Variants in CFAP54 observed in about 807,000 individuals in gnomAD.
The protein encoded by CFAP54 is cilia- and flagella-associated protein 54.
CFAP54 carries 290 observed loss-of-function variants against 370.4 expected under a neutral mutation model. The ratio of observed to expected loss-of-function variants is 0.78; its 90% CI spans 0.71 to 0.86. The LOEUF (loss-of-function observed/expected upper bound fraction) is 0.86. CFAP54 is among the 40% of genes least tolerant of loss of function. The pLI, the probability that CFAP54 is intolerant of heterozygous loss-of-function variation, is 0.00. For synonymous variants in CFAP54, 1,206 were observed against 1,236.5 expected (o/e 0.98, Z 0.52); for missense variants, 3,399 against 3,528.7 (o/e 0.96, Z 0.93).
intron 20 of CFAP54, among the ~76,000 whole-genome samples, chr12:96,577,595 C>G (rs1300300898): frequency 6.6e-6 from 1 of 151,508 alleles, no homozygotes; most frequent in Non-Finnish European, 1.5e-5. Context: ...TAGCTCCAAC[C>G]TTTCCTGGAA....
chr12:96,767,349 T>C (rs1958411146), intron 60 of CFAP54, among the ~76,000 whole-genome samples: 1 of 152,226 alleles, frequency 6.6e-6, no homozygotes, highest in Non-Finnish European at 1.5e-5. Context: ...GAAAATGGCA[T>C]CCTCTAAACA....
chr12:96,592,477 C>A lies in CFAP54; in HGVS notation c.3213-13C>A, dbSNP rs1452576248. The A allele has an allele frequency of 1.9e-6, 1 of 513,310 alleles. No homozygotes were observed. The highest frequency in any genetic ancestry group is 3.3e-5 in the East Asian group (1 of 30,200). 31.8% of individuals were successfully genotyped at this position (513,310 alleles called of 1,614,324 possible). A position where few individuals can be genotyped will look rare whatever the true frequency, so the allele number is the denominator to read the frequency against. ...AATTTATATTTATACCTGCCATTTA[C>A]TTCATATTGCAGATTACATTCAGAT... On this transcript the variant is annotated splice_polypyrimidine_tract_variant and intron_variant, in intron 23 of 67. Transcript: ENST00000524981.
At chr12:96,672,299 G>T (rs551527084) in intron 39 of CFAP54, among the ~76,000 whole-genome samples, 2 of 152,110 alleles carry the variant, frequency 1.3e-5, no homozygotes, top group Non-Finnish European at 2.9e-5. Flanking sequence ...CATCTTTTCT[G>T]CTAAGGCAGA....
chr12:96,510,991 A>C (rs960010069), intron 4 of CFAP54, among the ~76,000 whole-genome samples: 1 of 151,674 alleles, frequency 6.6e-6, no homozygotes, highest in Non-Finnish European at 1.5e-5. Flanking sequence ...AGAAATGAAA[A>C]AGATGAAGAG....
chr12:96,687,307 T>A (rs772151816), intron 42 of CFAP54, among the ~76,000 whole-genome samples: 8 of 152,216 alleles, frequency 5.3e-5, no homozygotes, highest in Non-Finnish European at 7.3e-5. Flanking sequence ...TTCTGGAGAT[T>A]AGGGCATGAA....
intron 58 of CFAP54, among the ~76,000 whole-genome samples, chr12:96,760,597 A>T (rs1359827173): frequency 6.6e-6 from 1 of 152,170 alleles, no homozygotes; most frequent in Non-Finnish European, 1.5e-5. Context: ...CAGTGGCGTG[A>T]TCTAGGCTCA....
intron 50 of CFAP54, among the ~76,000 whole-genome samples, chr12:96,738,211 A>G (rs1565960062): frequency 6.6e-6 from 1 of 152,302 alleles, no homozygotes; most frequent in East Asian, 1.9e-4. Context: ...AGGGGAAGCC[A>G]TGGCAACTTC....
chr12:96,871,893 A>T (rs891566473), intron 67 of CFAP54, among the ~76,000 whole-genome samples: 1 of 152,308 alleles, frequency 6.6e-6, no homozygotes, highest in East Asian at 1.9e-4. Flanking sequence ...TTTCAGAGCT[A>T]TGATGGCCTA....
intron 60 of CFAP54, among the ~76,000 whole-genome samples, chr12:96,777,929 C>A (rs1226135888): frequency 6.6e-6 from 1 of 152,124 alleles, no homozygotes; most frequent in Admixed American, 6.5e-5. Flanking sequence ...TACTGTTAGA[C>A]AAATATAAGC....
At position 96,594,401 on chromosome 12, in the gene CFAP54, T is replaced by C. The variant is rs1250836237; in HGVS notation, c.3471T>C (p.Leu1157=). 15 of 1,534,108 alleles carry C rather than the reference T, an allele frequency of 9.8e-6. No homozygotes were observed. In the South Asian group the frequency reaches 1.8e-4, roughly 18 times the overall value. The change falls in exon 25 of 68, where the codon CTT becomes CTC. Residue 1157 remains leucine, a synonymous_variant. Transcript: ENST00000524981. ...LQAVTQCYGL[L]APIIYHNIVL... The stretch of plus-strand genomic sequence containing the variant: ...CTGTGACTCAATGTTATGGACTTCT[T>C]GCTCCCATAATTTATCACAATATTG...
At chr12:96,544,383 T>C (rs1955614223) in intron 14 of CFAP54, among the ~76,000 whole-genome samples, 2 of 151,362 alleles carry the variant, frequency 1.3e-5, no homozygotes. Flanking sequence ...ACTTTAGGCC[T>C]CCGAAGCAGT....
chr12:96,720,506 G>T lies in CFAP54; in HGVS notation c.6906G>T (p.Val2302=). The T allele has an allele frequency of 6.3e-7, 1 of 1,598,636 alleles. No homozygotes were observed. The highest frequency in any genetic ancestry group is 8.5e-7 in the Non-Finnish European group (1 of 1,170,882). The change falls in exon 50 of 68, where the codon GTG becomes GTT. Residue 2302 remains valine, a synonymous_variant. Coordinates refer to ENST00000524981, the MANE Select transcript of CFAP54 (RefSeq NM_001306084.2). ...SQCSAGELEI[V]VEARLQLAAV... ...GCTCCGCTGGCGAGCTGGAGATTGTGGTGGAGGCCCGGCTTCAGCTGGCTG... is the reference window on the plus strand; with the variant it reads ...GCTCCGCTGGCGAGCTGGAGATTGTTGTGGAGGCCCGGCTTCAGCTGGCTG...
rs371426178 is a variant in CFAP54 at position 96,766,146 on chromosome 12, G to T, written c.8281+928G>T. On this transcript the variant is annotated intron_variant, in intron 60 of 67. Coordinates refer to ENST00000524981, the MANE Select transcript of CFAP54 (RefSeq NM_001306084.2). ...TCTGTAGACAGCGTCTTACTCTGCT[G>T]CATTGTTGGGTCAGCCTTAGTTAAA... Among the ~76,000 whole-genome samples, 46 of 152,286 alleles carry T rather than the reference G, an allele frequency of 3.0e-4. No homozygotes were observed. In the South Asian group the frequency reaches 8.5e-3, roughly 28 times the overall value.
intron 45 of CFAP54, among the ~76,000 whole-genome samples, chr12:96,696,284 T>G (rs1017706784): frequency 6.6e-6 from 1 of 152,132 alleles, no homozygotes; most frequent in African/African-American, 2.4e-5. Context: ...AGTCTTGAAT[T>G]CCCAACTCTG....
intron 19 of CFAP54, among the ~76,000 whole-genome samples, chr12:96,576,284 A>G (rs922892124): frequency 7.9e-5 from 12 of 151,958 alleles, no homozygotes; most frequent in African/African-American, 2.9e-4. Flanking sequence ...AATGTGGTAG[A>G]TATTCAAAAG....
intron 19 of CFAP54, 37 bp downstream of exon 19, chr12:96,564,802 A>T (rs968580328): frequency 5.4e-6 from 3 of 554,614 alleles, no homozygotes; most frequent in Admixed American, 7.1e-5. Flanking sequence ...ATCCTGACAT[A>T]AAATTTCTGT....
rs1357490241 is a variant in CFAP54 at position 96,684,990 on chromosome 12, TCAGAAA to T, written c.5805-38_5805-33del. On this transcript the variant is annotated intron_variant, in intron 41 of 67. Coordinates refer to ENST00000524981, the MANE Select transcript of CFAP54 (RefSeq NM_001306084.2). ...TGGAAGATAGATTTAATAATGGGTC[TCAGAAA>T]ACTTACTGCTTGATGCTTTGTCTCT... 7 of 1,590,534 alleles carry T rather than the reference TCAGAAA, an allele frequency of 4.4e-6. No homozygotes were observed. In the South Asian group the frequency reaches 7.8e-5, roughly 18 times the overall value.
At chr12:96,576,074 C>T in intron 19 of CFAP54, among the ~76,000 whole-genome samples, 1 of 151,864 alleles carries the variant, frequency 6.6e-6, no homozygotes, top group East Asian at 1.9e-4. Context: ...GTTGCCTTTC[C>T]ATCAGCTTCA....
At position 96,874,556 on chromosome 12, in the gene CFAP54, A is replaced by AAACTG. The variant is rs1960244848; in HGVS notation, c.*15-561_*15-557dup. ...ACTTCCTTATTACACTCACTCAGGTAAACTGGAATCTTCTGTTTTCAGGAA... is the reference window on the plus strand; with the variant it reads ...ACTTCCTTATTACACTCACTCAGGTAAACTGAACTGGAATCTTCTGTTTTCAGGAA... On this transcript the variant is annotated intron_variant, in intron 67 of 67. Coordinates refer to ENST00000524981, the MANE Select transcript of CFAP54 (RefSeq NM_001306084.2). Among the ~76,000 whole-genome samples the AAACTG allele has an allele frequency of 3.3e-5, 5 of 151,738 alleles. 1 individual carries two copies. In the South Asian group the frequency reaches 1.0e-3, roughly 32 times the overall value.
Sources: allele counts gnomAD v4.1 joint callset (sites outside exome capture counted in the v4.1 genomes callset), GRCh38; gene constraint gnomAD v4.1.1; transcripts MANE v1.5; gene names NCBI Gene and HGNC (gene_info 2026-07-23, HGNC 2026-07-21).